CPAMD8: variants seen among roughly 807,000 people sequenced by gnomAD.
CPAMD8 encodes the protein C3 and PZP like alpha-2-macroglobulin domain containing 8, also known as C3 and PZP-like alpha-2-macroglobulin domain-containing protein 8.
Under a neutral mutation model 224.7 loss-of-function variants are expected in CPAMD8, and 146 were observed. The ratio of observed to expected loss-of-function variants is 0.65; its 90% confidence interval spans 0.57 to 0.75. The LOEUF is 0.75. CPAMD8 is among the 30% of genes least tolerant of loss of function. The probability of loss-of-function intolerance (pLI) is 0.00; values close to 1 mark genes in which losing one functional copy is unlikely to be tolerated. For synonymous variants in CPAMD8, 966 were observed against 1,044.6 expected, an observed-to-expected ratio of 0.92 and a Z score of 1.45; for missense variants, 2,301 against 2,537.5, an observed-to-expected ratio of 0.91 and a Z score of 2.00.
intron 24 of CPAMD8, 141 bp downstream of exon 24, chr19:16,928,801 A>T (rs1217812637): frequency 1.1e-5 from 7 of 641,628 alleles, no homozygotes; most frequent in African/African-American, 3.7e-5. Context: ...GCGACTCTAG[A>T]CTAAGAACAA....
At chr19:16,907,992 G>A (rs189090720) in intron 29 of CPAMD8, among the ~76,000 whole-genome samples, 1 of 152,300 alleles carries the variant, frequency 6.6e-6, no homozygotes, top group East Asian at 1.9e-4. Context: ...TGAGCACAGT[G>A]ATACTCTAGG....
intron 26 of CPAMD8, among the ~76,000 whole-genome samples, chr19:16,924,510 G>C (rs1159305088): frequency 1.3e-5 from 2 of 152,160 alleles, no homozygotes; most frequent in African/African-American, 4.8e-5. Flanking sequence ...GGCCTTCCTA[G>C]CTGTCCATGA....
At chr19:16,953,372 C>T (rs1458071166) in intron 19 of CPAMD8, among the ~76,000 whole-genome samples, 1 of 149,260 alleles carries the variant, frequency 6.7e-6, no homozygotes, top group Non-Finnish European at 1.5e-5. Context: ...ACAAGTTGGA[C>T]TTTATGAAAA....
intron 22 of CPAMD8, among the ~76,000 whole-genome samples, chr19:16,942,133 A>G (rs2053917067): frequency 6.6e-6 from 1 of 151,990 alleles, no homozygotes; most frequent in Admixed American, 6.6e-5. Flanking sequence ...CAGCCTACAG[A>G]GCTGTGAGCC....
At chr19:16,982,715 A>G (rs1430869570) in intron 13 of CPAMD8, among the ~76,000 whole-genome samples, 1 of 152,086 alleles carries the variant, frequency 6.6e-6, no homozygotes. Context: ...GCACAAGCCC[A>G]TAGTCCCAGC....
chr19:17,009,522 C>T (rs972725867), intron 5 of CPAMD8: 1 of 812,546 alleles, frequency 1.2e-6, no homozygotes, highest in African/African-American at 1.7e-5. Flanking sequence ...TGCCTGTAAT[C>T]CCAGCACTTT....
At position 16,903,692 on chromosome 19, in the gene CPAMD8, G is replaced by C; in HGVS notation, c.4407+10C>G. Reference sequence around the variant, plus strand: ...AACAACCCCCAAACCCTCATCCCAGGAACACGCACCGCTGCTGTCTGCAGA... The same window carrying C: ...AACAACCCCCAAACCCTCATCCCAGCAACACGCACCGCTGCTGTCTGCAGA... On this transcript the variant is annotated intron_variant, in intron 33 of 41. Coordinates refer to ENST00000443236, the MANE Select transcript of CPAMD8 (RefSeq NM_015692.5). 5 of 1,614,054 alleles carry C rather than the reference G, an allele frequency of 3.1e-6. No homozygotes were observed. Among genetic ancestry groups the C allele is most frequent in the Non-Finnish European group, 4.2e-6 (5 of 1,179,988 alleles).
rs550134975 is a variant in CPAMD8 at position 16,916,475 on chromosome 19, C to T, written c.3630-1662G>A. Among the ~76,000 whole-genome samples the T allele has an allele frequency of 9.9e-5, 15 of 152,142 alleles. No homozygotes were observed. In the East Asian group the frequency reaches 2.9e-3, roughly 30 times the overall value. ...CCATGCTGGCCAGACTGATCTCAAA[C>T]TCCTGACCTCAAGTGATCCTCCCAC... On this transcript the variant is annotated intron_variant, in intron 27 of 41. Transcript: ENST00000443236.
At position 16,935,833 on chromosome 19, in the gene CPAMD8, A is replaced by G. The variant is rs193047391; in HGVS notation, c.2845+2562T>C. On this transcript the variant is annotated intron_variant, in intron 23 of 41. Coordinates refer to ENST00000443236, the MANE Select transcript of CPAMD8 (RefSeq NM_015692.5). Reference sequence around the variant, plus strand: ...TTTAAGAAACCACCAAACTGTTTTTAAAAACTACCAAAGGTGGCTGTACCA... The same window carrying G: ...TTTAAGAAACCACCAAACTGTTTTTGAAAACTACCAAAGGTGGCTGTACCA... Among the ~76,000 whole-genome samples the G allele has an allele frequency of 2.0e-5, 3 of 152,308 alleles. No homozygotes were observed. In the East Asian group the frequency reaches 5.8e-4, roughly 29 times the overall value.
chr19:16,950,024 G>C (rs374607547), intron 20 of CPAMD8, among the ~76,000 whole-genome samples: 1 of 152,140 alleles, frequency 6.6e-6, no homozygotes, highest in Non-Finnish European at 1.5e-5. Context: ...GTGGCCAGGC[G>C]TGGTGGCTCA....
intron 2 of CPAMD8, 73 bp downstream of exon 2, chr19:17,021,957 G>A (rs1484341222): frequency 4.1e-6 from 5 of 1,214,672 alleles, no homozygotes; most frequent in Non-Finnish European, 5.4e-6. Flanking sequence ...CACTGCCCCA[G>A]CCCTGAAGGC....
At chr19:16,947,366 G>C in intron 20 of CPAMD8, 139 bp from the exon 21 acceptor site, 1 of 1,082,074 alleles carries the variant, frequency 9.2e-7, no homozygotes, top group Non-Finnish European at 1.3e-6. Context: ...CCCCGGGAAG[G>C]TCCCCTTTCC....
In CPAMD8 at chr19:17,011,699, G is replaced by A. The variant is rs200868802; in HGVS notation, c.326C>T (p.Ala109Val). Residue 109 changes from alanine (A) to valine (V), a missense_variant, in exon 4 of 42, where the codon GCG becomes GTG. Transcript: ENST00000443236. ...GTTGTGAAAGAGGGGCCCCTCCTCC[G>A]CCTGCCAGCCGCGGCCCCACACTTT... ...LLKVWGRGWQ[A>V]EEGPLFHNQT... 3.9e-5 allele frequency: 63 copies of A among 1,612,676 alleles called. 1 individual carries two copies. The highest frequency in any genetic ancestry group is 1.7e-4 in the Middle Eastern group (1 of 5,944).
chr19:16,904,349 C>T lies in CPAMD8; in HGVS notation c.4128G>A (p.Glu1376=). Reference sequence around the variant, plus strand: ...GAAGGGCGTAGGCTGTCATTTCCACCTCGGCCGAGACCACTGCAATGGAAG... The same window carrying T: ...GAAGGGCGTAGGCTGTCATTTCCACTTCGGCCGAGACCACTGCAATGGAAG... The part of the protein sequence containing the change: ...DRVSQSVVSA[E]VEMTAYALLT... The change falls in exon 32 of 42, where the codon GAG becomes GAA. Residue 1376 remains glutamate (E), a synonymous_variant. Transcript: ENST00000443236. 1 of 1,614,004 alleles carries T rather than the reference C, an allele frequency of 6.2e-7. No individual in the cohort carries two copies. Among genetic ancestry groups the T allele is most frequent in the Non-Finnish European group, 8.5e-7 (1 of 1,180,034 alleles).
At chr19:16,981,291 G>T (rs1412576088) in intron 13 of CPAMD8, among the ~76,000 whole-genome samples, 1 of 152,108 alleles carries the variant, frequency 6.6e-6, no homozygotes, top group African/African-American at 2.4e-5. Flanking sequence ...AGCCTAGGAA[G>T]TCAAGGCTGC....
intron 26 of CPAMD8, 131 bp from the exon 27 acceptor site, chr19:16,922,117 T>G: frequency 1.6e-6 from 1 of 617,892 alleles, no homozygotes; most frequent in Admixed American, 2.9e-5. Context: ...GTCCCTGGAA[T>G]TGCCTCGAAT....
At chr19:16,963,439 A>G (rs1283498250) in intron 18 of CPAMD8, among the ~76,000 whole-genome samples, 1 of 152,208 alleles carries the variant, frequency 6.6e-6, no homozygotes, top group Non-Finnish European at 1.5e-5. Context: ...ATCAAAAGAG[A>G]CAAAGAAGGC....
chr19:16,893,084 C>A lies in CPAMD8; in HGVS notation c.*24G>T. 9.2e-7 allele frequency: 1 copy of A among 1,092,278 alleles called. No homozygotes were observed. Among genetic ancestry groups the A allele is most frequent in the South Asian group, 1.2e-5 (1 of 80,104 alleles). 67.7% of individuals were successfully genotyped at this position (1,092,278 alleles called of 1,614,324 possible). On this transcript the variant is annotated 3_prime_UTR_variant, in exon 42 of 42. Coordinates refer to ENST00000443236, the MANE Select transcript of CPAMD8 (RefSeq NM_015692.5). The stretch of plus-strand genomic sequence containing the variant: ...TGGTCCCCAGGACCAAACTGCGGTC[C>A]CACAACTGCATGTGGTTGTAGGATT...
intron 25 of CPAMD8, among the ~76,000 whole-genome samples, chr19:16,926,183 A>G (rs1164715344): frequency 6.6e-6 from 1 of 152,152 alleles, no homozygotes; most frequent in Non-Finnish European, 1.5e-5. Flanking sequence ...CTTTAAAAAA[A>G]AATTATGGTT....
Sources: gnomAD v4.1 joint callset for allele counts (sites outside exome capture counted in the v4.1 genomes callset) on GRCh38, gnomAD v4.1.1 for gene constraint, MANE v1.5 for transcripts, NCBI Gene and HGNC (gene_info 2026-07-23, HGNC 2026-07-21) for gene names.